Variants in RSF1 observed in about 807,000 individuals in gnomAD.
The protein encoded by RSF1 is HBV pX-associated protein 8.
RSF1 carries 13 observed loss-of-function variants against 145.2 expected under a neutral mutation model. That is an observed-to-expected ratio of 0.09 (90% CI 0.06 to 0.14). The LOEUF (loss-of-function observed/expected upper bound fraction) is 0.14. Among genes scored for constraint, RSF1 ranks in the 10% least tolerant of loss-of-function variants. RSF1 has a pLI of 1.00. For synonymous variants in RSF1, 577 were observed against 592.6 expected, an observed-to-expected ratio of 0.97 and a Z score of 0.38; for missense variants, 1,517 against 1,718.2, an observed-to-expected ratio of 0.88 and a Z score of 2.07.
At chr11:77,808,313 CAGAG>C (rs1481657416) in intron 1 of RSF1, among the ~76,000 whole-genome samples, 2 of 150,834 alleles carry the variant, frequency 1.3e-5, no homozygotes, top group Admixed American at 1.3e-4. Context: ...GCCTGGGCAA[CAGAG>C]AAAGACTCTG....
At chr11:77,754,587 AG>A (rs1948097166) in intron 2 of RSF1, among the ~76,000 whole-genome samples, 1 of 146,604 alleles carries the variant, frequency 6.8e-6, no homozygotes, top group African/African-American at 2.5e-5. Flanking sequence ...ACAAAAAATT[AG>A]CCAGGCATGG....
chr11:77,821,119 A>G (rs376469491), upstream of RSF1: 139 of 429,494 alleles, frequency 3.2e-4, no homozygotes, highest in East Asian at 4.8e-3. Context: ...GCGCTGTTCA[A>G]CTGCAGGGCG....
At chr11:77,872,199 C>T in the RSF1 span, 3 of 1,613,580 alleles carry the variant, frequency 1.9e-6, no homozygotes, top group Admixed American at 1.7e-5. Context: ...TGTGGAGTAC[C>T]TCAAGAAACA....
intron 7 of RSF1, among the ~76,000 whole-genome samples, chr11:77,693,838 G>T (rs189753719): frequency 2.0e-5 from 3 of 151,726 alleles, no homozygotes; most frequent in Admixed American, 2.0e-4. Flanking sequence ...AGGCAGGAGT[G>T]CAGTGGCACA....
intron 2 of RSF1, among the ~76,000 whole-genome samples, chr11:77,759,339 C>T (rs1948147591): frequency 6.6e-6 from 1 of 151,966 alleles, no homozygotes; most frequent in Non-Finnish European, 1.5e-5. Flanking sequence ...GGCGAGATGC[C>T]ACCTCTACAA....
chr11:77,848,561 T>C, the RSF1 span, among the ~76,000 whole-genome samples: 1 of 152,176 alleles, frequency 6.6e-6, no homozygotes, highest in African/African-American at 2.4e-5. Context: ...GGTTTCACCA[T>C]GTTGGCCAGG....
intron 5 of RSF1, among the ~76,000 whole-genome samples, chr11:77,707,002 C>T (rs1218674205): frequency 1.3e-5 from 2 of 152,176 alleles, no homozygotes; most frequent in African/African-American, 2.4e-5. Flanking sequence ...TCCTCAAGCC[C>T]AGTTACAATA....
chr11:77,757,120 T>C (rs887200930), intron 2 of RSF1, among the ~76,000 whole-genome samples: 7 of 152,046 alleles, frequency 4.6e-5, no homozygotes, highest in Non-Finnish European at 1.0e-4. Context: ...GATAAGGAGG[T>C]AAAGCTCATT....
At chr11:77,706,196 G>A (rs1960544640) in intron 5 of RSF1, among the ~76,000 whole-genome samples, 2 of 140,812 alleles carry the variant, frequency 1.4e-5, no homozygotes, top group Admixed American at 1.5e-4. Flanking sequence ...AGCTGAGATT[G>A]CCCCACTGCA....
chr11:77,680,215 T>C (rs921716992), intron 11 of RSF1, among the ~76,000 whole-genome samples: 12 of 152,066 alleles, frequency 7.9e-5, no homozygotes, highest in Non-Finnish European at 1.2e-4. Context: ...GGAGTATAAC[T>C]TGAGCCCAGG....
At position 77,666,661 on chromosome 11, in the gene RSF1, A is replaced by AT; in HGVS notation, c.*255dup. The AT allele has an allele frequency of 1.3e-5, 4 of 306,600 alleles. No individual in the cohort carries two copies. 19.0% of individuals were successfully genotyped at this position (306,600 alleles called of 1,614,324 possible). A position where few individuals can be genotyped will look rare whatever the true frequency, so the allele number is the denominator to read the frequency against. On this transcript the variant is annotated 3_prime_UTR_variant, in exon 16 of 16. Coordinates refer to ENST00000308488, the MANE Select transcript of RSF1 (RefSeq NM_016578.4). The stretch of plus-strand genomic sequence containing the variant: ...AAATCTTTGTTGTTATTATAATAAG[A>AT]TTTTTTTCCATGAATGAAATTACCA...
chr11:77,801,999 C>G (rs1948630878), intron 1 of RSF1, among the ~76,000 whole-genome samples: 1 of 151,918 alleles, frequency 6.6e-6, no homozygotes, highest in East Asian at 1.9e-4. Context: ...GACCCCATTT[C>G]TATAAAATAA....
In RSF1 at chr11:77,735,536, C is replaced by T. The variant is rs924622393; in HGVS notation, c.578+5195G>A. 1.2e-4 allele frequency among the ~76,000 whole-genome samples: 18 copies of T among 152,114 alleles called. No homozygotes were observed. The East Asian group carries it at 2.5e-3, about 21-fold the overall frequency. On this transcript the variant is annotated intron_variant, in intron 4 of 15. Transcript: ENST00000308488. ...CTCTTTTAAGAATTAGGTAGAAACA[C>T]GTTTCCAACACCAGCCGATCACCAA...
intron 1 of RSF1, among the ~76,000 whole-genome samples, chr11:77,799,214 T>C (rs577390970): frequency 2.0e-5 from 3 of 151,952 alleles, no homozygotes; most frequent in Non-Finnish European, 4.4e-5. Flanking sequence ...ATAAATTCCA[T>C]TAGAAAATGG....
At chr11:77,791,498 A>C (rs145949903) in intron 1 of RSF1, among the ~76,000 whole-genome samples, 347 of 152,316 alleles carry the variant, frequency 2.3e-3, no homozygotes, top group African/African-American at 7.7e-3. Flanking sequence ...ATTTCTCCTT[A>C]GAAAATGGGT....
upstream of RSF1, among the ~76,000 whole-genome samples, chr11:77,823,459 G>A (rs975090703): frequency 1.3e-5 from 2 of 151,170 alleles, no homozygotes; most frequent in Admixed American, 6.6e-5. Flanking sequence ...GGCGAGGTGG[G>A]GTGGCTCATG....
the RSF1 span, among the ~76,000 whole-genome samples, chr11:77,871,627 T>C: frequency 6.6e-6 from 1 of 152,212 alleles, no homozygotes; most frequent in African/African-American, 2.4e-5. Flanking sequence ...AGTACTATTA[T>C]ACCTATTTTA....
intron 8 of RSF1, chr11:77,691,614 A>C: frequency 6.2e-6 from 1 of 160,842 alleles, no homozygotes; most frequent in Non-Finnish European, 1.4e-5. Context: ...ATATAACATA[A>C]TGATGCCAAA....
chr11:77,683,571 A>G (rs1959923728), intron 11 of RSF1, 139 bp downstream of exon 11: 3 of 516,960 alleles, frequency 5.8e-6, no homozygotes, highest in East Asian at 3.2e-5. Flanking sequence ...AAAAAATTCT[A>G]TGACTAAAGA....
Sources: gnomAD v4.1 joint callset for allele counts (sites outside exome capture counted in the v4.1 genomes callset) on GRCh38, gnomAD v4.1.1 for gene constraint, MANE v1.5 for transcripts, NCBI Gene and HGNC (gene_info 2026-07-23, HGNC 2026-07-21) for gene names.